The following PLEKHA7 variants were observed in gnomAD, a reference collection of about 807,000 sequenced individuals.
PLEKHA7 encodes the protein pleckstrin homology domain-containing family A member 7.
Under a neutral mutation model 170.0 loss-of-function variants are expected in PLEKHA7, and 104 were observed. The observed-to-expected ratio is 0.61, with a 90% CI of 0.52 to 0.72. The LOEUF is 0.72. PLEKHA7 is among the 30% of genes least tolerant of loss of function. The pLI is 0.00. For missense variants in PLEKHA7, 1,615 were observed against 1,671.7 expected (o/e 0.97, Z 0.59); for synonymous variants, 648 against 660.8 (o/e 0.98, Z 0.30).
chr11:16,783,622 C>T, intron 25 of PLEKHA7, 78 bp downstream of exon 25: 1 of 1,313,206 alleles, frequency 7.6e-7, no homozygotes, highest in Non-Finnish European at 9.7e-7. Context: ...CCCAGCCAGC[C>T]CGGCCCAGGG....
chr11:16,862,784 A>G (rs979195542), intron 4 of PLEKHA7, among the ~76,000 whole-genome samples: 5 of 152,228 alleles, frequency 3.3e-5, no homozygotes, highest in Admixed American at 2.0e-4. Flanking sequence ...TGCGACTATC[A>G]TAGACACTGT....
At chr11:16,851,077 C>G in intron 8 of PLEKHA7, 114 bp downstream of exon 8, 1 of 682,144 alleles carries the variant, frequency 1.5e-6, no homozygotes, top group South Asian at 3.0e-5. Context: ...TAACCGGAAT[C>G]TGAAACTCTC....
chr11:16,910,827 A>G (rs1042457173), intron 3 of PLEKHA7, among the ~76,000 whole-genome samples: 1 of 152,248 alleles, frequency 6.6e-6, no homozygotes, highest in African/African-American at 2.4e-5. Flanking sequence ...TACACTTTGC[A>G]AAGAACAAAG....
chr11:16,786,240 T>C lies in PLEKHA7; in HGVS notation c.3505A>G (p.Ile1169Val), dbSNP rs1590112025. Reference protein sequence around the residue: ...DLEPQDYDLDISRELSKPEKV... With the variant: ...DLEPQDYDLDVSRELSKPEKV... ...GTGCCTGCCCTCACCTCTCTGCTGA[T>C]GTCCAAGTCATAGTCTTGAGGCTCC... The change falls in exon 24 of 27, where the codon ATC (isoleucine) becomes GTC (valine). Residue 1169 changes from isoleucine (I) to valine (V), a missense_variant. Coordinates refer to ENST00000531066, the MANE Select transcript of PLEKHA7 (RefSeq NM_001329630.2). 4 of 1,536,160 alleles carry C rather than the reference T, an allele frequency of 2.6e-6. No homozygotes were observed. The highest frequency in any genetic ancestry group is 2.6e-6 in the Non-Finnish European group (3 of 1,146,910).
intron 12 of PLEKHA7, among the ~76,000 whole-genome samples, chr11:16,814,307 T>C (rs1436721793): frequency 2.6e-5 from 4 of 152,228 alleles, no homozygotes; most frequent in African/African-American, 9.6e-5. Flanking sequence ...TCACTGACAT[T>C]CATTTTTCTG....
intron 3 of PLEKHA7, among the ~76,000 whole-genome samples, chr11:16,958,842 T>A (rs564636086): frequency 7.4e-6 from 1 of 134,680 alleles, no homozygotes; most frequent in Non-Finnish European, 1.7e-5. Context: ...GAGCAAAACA[T>A]ACTGAAAAGA....
Position 16,778,919 on chromosome 11 carries a change from C to T in PLEKHA7, c.*79G>A. ...TCCCTGCTCAGCTGGAAGGGGTTTC[C>T]TTGGGGGCAGAAAGGTCATCTCCTT... is the stretch of plus-strand genomic sequence containing the variant. On this transcript the variant is annotated 3_prime_UTR_variant, in exon 27 of 27. Coordinates refer to ENST00000531066, the MANE Select transcript of PLEKHA7 (RefSeq NM_001329630.2). The T allele has an allele frequency of 1.4e-6, 1 of 702,138 alleles. No individual in the cohort carries two copies. The highest frequency in any genetic ancestry group is 2.6e-6 in the Non-Finnish European group (1 of 384,674). 43.5% of individuals were successfully genotyped at this position (702,138 alleles called of 1,614,324 possible). A position where few individuals can be genotyped will look rare whatever the true frequency, so the allele number is the denominator to read the frequency against.
chr11:16,779,052 T>TG (rs1848829061), intron 26 of PLEKHA7, 32 bp from the exon 27 acceptor site: 1 of 702,190 alleles, frequency 1.4e-6, no homozygotes, highest in Admixed American at 2.0e-5. Context: ...AGTGAGAGGC[T>TG]GGCATCCAGG....
intron 3 of PLEKHA7, among the ~76,000 whole-genome samples, chr11:16,896,084 G>A (rs749377468): frequency 1.4e-4 from 22 of 152,120 alleles, no homozygotes; most frequent in Non-Finnish European, 3.2e-4. Flanking sequence ...CTCCTGCCCT[G>A]CCATGGTTAT....
chr11:16,972,743 C>T (rs1565169165), intron 3 of PLEKHA7, among the ~76,000 whole-genome samples: 1 of 152,134 alleles, frequency 6.6e-6, no homozygotes, highest in Non-Finnish European at 1.5e-5. Context: ...AAAATCTTGC[C>T]TCCTTCTTGT....
At chr11:16,833,562 G>A (rs576719218) in intron 9 of PLEKHA7, among the ~76,000 whole-genome samples, 5 of 152,186 alleles carry the variant, frequency 3.3e-5, no homozygotes, top group East Asian at 1.9e-4. Context: ...CAGCACTCCC[G>A]TTCTGGGAGA....
chr11:16,785,607 T>C (rs1194191344), intron 24 of PLEKHA7, among the ~76,000 whole-genome samples: 1 of 152,112 alleles, frequency 6.6e-6, no homozygotes, highest in African/African-American at 2.4e-5. Flanking sequence ...GTTCCCTTTC[T>C]CTCCCCTTGG....
At chr11:16,992,262 A>G (rs1010628448) in intron 3 of PLEKHA7, among the ~76,000 whole-genome samples, 6 of 152,178 alleles carry the variant, frequency 3.9e-5, no homozygotes, top group African/African-American at 1.2e-4. Context: ...TGGGTGGCTC[A>G]TGGGCAAATT....
chr11:16,815,490 C>G (rs1849681188), intron 12 of PLEKHA7, among the ~76,000 whole-genome samples: 1 of 152,188 alleles, frequency 6.6e-6, no homozygotes, highest in African/African-American at 2.4e-5. Flanking sequence ...TTCAGGAAAG[C>G]AACAACCAAC....
At chr11:16,812,753 T>C (rs1849463006) in intron 13 of PLEKHA7, among the ~76,000 whole-genome samples, 1 of 152,156 alleles carries the variant, frequency 6.6e-6, no homozygotes, top group South Asian at 2.1e-4. Flanking sequence ...CACTTGTGGC[T>C]GAAAACCCAC....
chr11:16,885,025 TG>T (rs1855976481), intron 3 of PLEKHA7, among the ~76,000 whole-genome samples: 1 of 152,126 alleles, frequency 6.6e-6, no homozygotes. Flanking sequence ...CTTCTTTTCA[TG>T]AAGAAGATCT....
chr11:16,976,031 T>C (rs1017366191), intron 3 of PLEKHA7, among the ~76,000 whole-genome samples: 1 of 152,358 alleles, frequency 6.6e-6, no homozygotes, highest in South Asian at 2.1e-4. Flanking sequence ...TCTGCATCCC[T>C]CTGGCCCCTT....
rs909635400 is a variant in PLEKHA7 at position 16,791,461 on chromosome 11, A to G, written c.2746-262T>C. 1.6e-6 allele frequency: 1 copy of G among 615,156 alleles called. No homozygotes were observed. The highest frequency in any genetic ancestry group is 3.0e-6 in the Non-Finnish European group (1 of 334,182). The allele number at this position is 615,156 out of a possible 1,614,324, so 38.1% of individuals were successfully genotyped here. On this transcript the variant is annotated intron_variant, in intron 19 of 26. Coordinates refer to ENST00000531066, the MANE Select transcript of PLEKHA7 (RefSeq NM_001329630.2). The surrounding 1 kb of genome is among the most constrained non-coding windows in gnomAD (Gnocchi z 4.5). ...GTATAACTGTGTCCTGAAACCCAGGACTCAGGTCTCCTGGGTCCATGCCCT... is the reference window on the plus strand; with the variant it reads ...GTATAACTGTGTCCTGAAACCCAGGGCTCAGGTCTCCTGGGTCCATGCCCT...
At chr11:16,908,517 A>G (rs1590579538) in intron 3 of PLEKHA7, among the ~76,000 whole-genome samples, 1 of 150,324 alleles carries the variant, frequency 6.7e-6, no homozygotes, top group Non-Finnish European at 1.5e-5. Context: ...TTTTTTCAAG[A>G]CAGAGTCTTG....
Sources: gnomAD v4.1 joint callset for allele counts (sites outside exome capture counted in the v4.1 genomes callset) on GRCh38, gnomAD v4.1.1 for gene constraint, Gnocchi (gnomAD v3.1) non-coding constraint, MANE v1.5 for transcripts, NCBI Gene and HGNC (gene_info 2026-07-23, HGNC 2026-07-21) for gene names.